Variants in GPAT4 observed in about 807,000 individuals in gnomAD.
The protein encoded by GPAT4 is 1-AGP acyltransferase 6.
A neutral mutation model predicts 58.0 loss-of-function variants in GPAT4; 17 were observed. The observed-to-expected ratio is 0.29, with a 90% CI of 0.20 to 0.44. The LOEUF (loss-of-function observed/expected upper bound fraction) is 0.44. Among genes scored for constraint, GPAT4 ranks in the 20% least tolerant of loss-of-function variants. The probability of loss-of-function intolerance (pLI) is 1.00; values close to 1 mark genes in which losing one functional copy is unlikely to be tolerated. For missense variants in GPAT4, 377 were observed against 574.5 expected (o/e 0.66, Z 3.51); for synonymous variants, 204 against 210.1 (o/e 0.97, Z 0.25).
At chr8:41,608,356 T>C (rs1025021192) in intron 2 of GPAT4, among the ~76,000 whole-genome samples, 1 of 152,278 alleles carries the variant, frequency 6.6e-6, no homozygotes. Flanking sequence ...TCGTGCCCAC[T>C]GTGCATAACC....
chr8:41,610,157 A>G (rs1803400034), intron 4 of GPAT4: 2 of 1,399,126 alleles, frequency 1.4e-6, no homozygotes, highest in African/African-American at 2.9e-5. Flanking sequence ...AGACAGAAAT[A>G]GTTGGATTTC....
chr8:41,587,984 C>T (rs892111521), intron 1 of GPAT4, among the ~76,000 whole-genome samples: 6 of 152,296 alleles, frequency 3.9e-5, no homozygotes, highest in Admixed American at 1.3e-4. Context: ...CTCCATTTTA[C>T]GACTAACCTT....
chr8:41,616,672 T>G (rs1423640629), intron 10 of GPAT4, among the ~76,000 whole-genome samples: 1 of 152,178 alleles, frequency 6.6e-6, no homozygotes, highest in East Asian at 1.9e-4. Flanking sequence ...GCCACAGTTC[T>G]GAAGCAGTGG....
At chr8:41,613,047 G>A (rs749722591) in intron 8 of GPAT4, 87 bp downstream of exon 8, 19 of 1,099,290 alleles carry the variant, frequency 1.7e-5, no homozygotes, top group Middle Eastern at 2.3e-4. Context: ...GTGCAGTTAC[G>A]TGCCTTCTAT....
At chr8:41,610,485 T>G in intron 4 of GPAT4, 4 of 1,347,474 alleles carry the variant, frequency 3.0e-6, no homozygotes, top group Non-Finnish European at 3.8e-6. Context: ...TTTTCCAGCC[T>G]TCCAGCTGCC....
At chr8:41,588,609 C>T (rs979162159) in intron 1 of GPAT4, among the ~76,000 whole-genome samples, 1 of 151,894 alleles carries the variant, frequency 6.6e-6, no homozygotes, top group African/African-American at 2.4e-5. Context: ...GAAATTACAA[C>T]TTTTTGTGTG....
Position 41,600,036 on chromosome 8 carries a change from C to CTTTTTTTTTTTTTTTTTTTTTTTTTTTTT in GPAT4, c.165+750_165+751insTTTTTTTTTTTTTTTTTTTTTTTTTTTTT, listed in dbSNP as rs758905649. On this transcript the variant is annotated intron_variant, in intron 2 of 12. Transcript: ENST00000396987. Reference sequence around the variant, plus strand: ...TGTTCATATTTTATCTTTTTCTTTTCTTTTTTTTTTTTTTTTTTCGAGACA... The same window carrying CTTTTTTTTTTTTTTTTTTTTTTTTTTTTT: ...TGTTCATATTTTATCTTTTTCTTTTCTTTTTTTTTTTTTTTTTTTTTTTTTTTTTTTTTTTTTTTTTTTTTTTCGAGACA... Among the ~76,000 whole-genome samples, 31 of 100,298 alleles carry CTTTTTTTTTTTTTTTTTTTTTTTTTTTTT rather than the reference C, an allele frequency of 3.1e-4. 1 individual carries two copies. The highest frequency in any genetic ancestry group is 3.8e-4 in the Non-Finnish European group (20 of 52,448). 65.8% of individuals were successfully genotyped at this position (100,298 alleles called of 152,430 possible).
At chr8:41,614,662 C>T (rs1803543756) in intron 9 of GPAT4, among the ~76,000 whole-genome samples, 1 of 152,228 alleles carries the variant, frequency 6.6e-6, no homozygotes, top group Non-Finnish European at 1.5e-5. Context: ...GCAGGAATTT[C>T]TTCTGTAATG....
chr8:41,617,441 CTT>C (rs1304548501), intron 10 of GPAT4, among the ~76,000 whole-genome samples: 2 of 152,108 alleles, frequency 1.3e-5, no homozygotes, highest in Non-Finnish European at 2.9e-5. Context: ...GTTTTAAAAA[CTT>C]ATTATTTTCC....
chr8:41,597,627 G>A (rs1178502193), intron 1 of GPAT4, among the ~76,000 whole-genome samples: 2 of 151,978 alleles, frequency 1.3e-5, no homozygotes, highest in South Asian at 2.1e-4. Flanking sequence ...CTGGTTATTC[G>A]TTACAACATT....
intron 1 of GPAT4, among the ~76,000 whole-genome samples, chr8:41,591,667 G>C (rs1291119283): frequency 1.3e-5 from 2 of 152,228 alleles, no homozygotes; most frequent in Non-Finnish European, 2.9e-5. Context: ...TATTATAAGA[G>C]TTTTAAATCC....
At chr8:41,611,363 C>G (rs1803438761) in intron 5 of GPAT4, among the ~76,000 whole-genome samples, 1 of 152,230 alleles carries the variant, frequency 6.6e-6, no homozygotes, top group Non-Finnish European at 1.5e-5. Context: ...GGAGGAGCCA[C>G]AGACATGTAG....
intron 12 of GPAT4, among the ~76,000 whole-genome samples, chr8:41,620,511 A>G (rs1803717821): frequency 6.6e-6 from 1 of 152,200 alleles, no homozygotes; most frequent in African/African-American, 2.4e-5. Context: ...GATTTTACAG[A>G]TACGTTATGA....
chr8:41,605,260 A>G (rs1348801582), intron 2 of GPAT4, among the ~76,000 whole-genome samples: 1 of 152,238 alleles, frequency 6.6e-6, no homozygotes, highest in Non-Finnish European at 1.5e-5. Context: ...ATATGCATCT[A>G]TAACTAACTC....
chr8:41,589,139 G>A (rs1802726825), intron 1 of GPAT4, among the ~76,000 whole-genome samples: 4 of 152,216 alleles, frequency 2.6e-5, no homozygotes, highest in Admixed American at 2.6e-4. Context: ...ATCAAAGTCT[G>A]TATTAAGGGG....
At chr8:41,603,823 G>A (rs1173222662) in intron 2 of GPAT4, among the ~76,000 whole-genome samples, 4 of 152,138 alleles carry the variant, frequency 2.6e-5, no homozygotes, top group African/African-American at 9.7e-5. Flanking sequence ...GCTCAGTGAG[G>A]CCCTGAAGGC....
chr8:41,588,395 A>C (rs1802707394), intron 1 of GPAT4, among the ~76,000 whole-genome samples: 1 of 152,182 alleles, frequency 6.6e-6, no homozygotes, highest in Non-Finnish European at 1.5e-5. Context: ...CCAGTCCAAT[A>C]CCTTGTGATT....
rs1803839614 is a variant in GPAT4 at position 41,624,018 on chromosome 8, G to GT, written c.*3018dup. ...ACACCCAGCTAATTTTTTGTATTTA[G>GT]TAGAGACTGGGTTTCACCATGTTGG... On this transcript the variant is annotated 3_prime_UTR_variant, in exon 13 of 13. Transcript: ENST00000396987. 6.6e-6 allele frequency: 1 copy of GT among 152,214 alleles called. No homozygotes were observed. The highest frequency in any genetic ancestry group is 2.4e-5 in the African/African-American group (1 of 41,446). 9.4% of individuals were successfully genotyped at this position (152,214 alleles called of 1,614,324 possible). A position where few individuals can be genotyped will look rare whatever the true frequency, so the allele number is the denominator to read the frequency against.
intron 2 of GPAT4, among the ~76,000 whole-genome samples, chr8:41,608,562 G>A (rs1379876510): frequency 2.0e-5 from 3 of 152,178 alleles, no homozygotes; most frequent in Admixed American, 1.3e-4. Flanking sequence ...TAATGAAGAG[G>A]GATTCTAGGA....
Sources: gnomAD v4.1 joint callset for allele counts (sites outside exome capture counted in the v4.1 genomes callset) on GRCh38, gnomAD v4.1.1 for gene constraint, MANE v1.5 for transcripts, NCBI Gene and HGNC (gene_info 2026-07-23, HGNC 2026-07-21) for gene names.